The following OPCML variants were observed in gnomAD, a reference collection of about 807,000 sequenced individuals.
OPCML encodes the protein opioid-binding protein/cell adhesion molecule.
OPCML carries 13 observed loss-of-function variants against 37.8 expected under a neutral mutation model. The ratio of observed to expected loss-of-function variants is 0.34; its 90% confidence interval spans 0.22 to 0.55. OPCML has a LOEUF of 0.55. Among genes scored for constraint, OPCML ranks in the 20% least tolerant of loss-of-function variants. OPCML has a pLI of 0.91. For synonymous variants in OPCML, 176 were observed against 168.8 expected (o/e 1.04, Z -0.33); for missense variants, 341 against 435.6 (o/e 0.78, Z 1.93).
rs139375412 is a variant in OPCML at position 133,267,059 on chromosome 11, A to G, written c.61+265205T>C. Among the ~76,000 whole-genome samples the G allele has an allele frequency of 2.6e-5, 4 of 152,284 alleles. No individual in the cohort carries two copies. In the East Asian group the frequency reaches 7.7e-4, roughly 29 times the overall value. ...ATGATTCGGCACCTTGGGCAGATAA[A>G]TAGTTGTTTGTTTCCCTAGAGAGGC... On this transcript the variant is annotated intron_variant, in intron 1 of 7. Transcript: ENST00000524381.
At chr11:133,335,700 T>G (rs1479728359) in intron 1 of OPCML, among the ~76,000 whole-genome samples, 1 of 152,152 alleles carries the variant, frequency 6.6e-6, no homozygotes, top group Non-Finnish European at 1.5e-5. Flanking sequence ...CCAAATCTCC[T>G]TAAGACAGTG....
intron 1 of OPCML, among the ~76,000 whole-genome samples, chr11:133,172,711 G>C (rs1000346215): frequency 6.6e-6 from 1 of 152,146 alleles, no homozygotes; most frequent in Non-Finnish European, 1.5e-5. Flanking sequence ...TTAATATTCT[G>C]ATTTTGAAGT....
chr11:133,303,086 T>C (rs1299160729), intron 1 of OPCML, among the ~76,000 whole-genome samples: 2 of 152,320 alleles, frequency 1.3e-5, no homozygotes, highest in Middle Eastern at 3.4e-3. Flanking sequence ...ATCGTGGTTA[T>C]GAAATATTTG....
intron 1 of OPCML, among the ~76,000 whole-genome samples, chr11:133,287,816 G>A (rs1372727984): frequency 2.6e-5 from 4 of 152,170 alleles, no homozygotes; most frequent in Non-Finnish European, 4.4e-5. Context: ...AAGGAAAACT[G>A]GAGAAGGAGG....
chr11:132,836,007 C>G (rs1240379193), intron 2 of OPCML, among the ~76,000 whole-genome samples: 2 of 152,186 alleles, frequency 1.3e-5, no homozygotes, highest in Non-Finnish European at 2.9e-5. Context: ...AAGAAATTCG[C>G]TCTCTAAAAT....
At chr11:132,625,912 AG>A (rs1208451649) in intron 3 of OPCML, among the ~76,000 whole-genome samples, 3 of 152,136 alleles carry the variant, frequency 2.0e-5, no homozygotes, top group Admixed American at 6.6e-5. Flanking sequence ...TTGGAACTAT[AG>A]GCTGTCTTCT....
At chr11:132,531,964 G>A (rs570574887) in intron 3 of OPCML, among the ~76,000 whole-genome samples, 5 of 152,058 alleles carry the variant, frequency 3.3e-5, no homozygotes, top group Non-Finnish European at 5.9e-5. Context: ...CTGATAGTAA[G>A]TTACACACAG....
At chr11:132,930,966 C>T (rs1945179081) in intron 2 of OPCML, among the ~76,000 whole-genome samples, 1 of 152,128 alleles carries the variant, frequency 6.6e-6, no homozygotes, top group South Asian at 2.1e-4. Context: ...TAACAACAGA[C>T]ATACAGACCA....
chr11:133,191,504 G>GTGTGTGTGTGT (rs1565494837), intron 1 of OPCML, among the ~76,000 whole-genome samples: 1 of 142,360 alleles, frequency 7.0e-6, no homozygotes, highest in African/African-American at 2.6e-5. Flanking sequence ...TGTGTGTGTG[G>GTGTGTGTGTGT]GTGTGTGTGT....
intron 3 of OPCML, among the ~76,000 whole-genome samples, chr11:132,538,546 A>G (rs1204972103): frequency 6.6e-6 from 1 of 152,206 alleles, no homozygotes; most frequent in Admixed American, 6.5e-5. Context: ...ATAAAGGACT[A>G]ATTTTATAGT....
chr11:132,815,795 C>T (rs1307673250), intron 2 of OPCML, among the ~76,000 whole-genome samples: 2 of 152,110 alleles, frequency 1.3e-5, no homozygotes, highest in African/African-American at 2.4e-5. Context: ...TTATTAAAGC[C>T]AGTCAAGGTT....
At chr11:133,324,477 G>A (rs1252404983) in intron 1 of OPCML, among the ~76,000 whole-genome samples, 1 of 152,204 alleles carries the variant, frequency 6.6e-6, no homozygotes, top group African/African-American at 2.4e-5. Context: ...TTTGCTCTCT[G>A]AAGTTGTCTA....
At chr11:133,210,676 A>G (rs1396781895) in intron 1 of OPCML, among the ~76,000 whole-genome samples, 2 of 152,066 alleles carry the variant, frequency 1.3e-5, no homozygotes, top group Non-Finnish European at 2.9e-5. Flanking sequence ...TCCAACATAC[A>G]TGGCTATTTT....
chr11:133,311,816 C>T (rs186756436), intron 1 of OPCML, among the ~76,000 whole-genome samples: 10 of 152,230 alleles, frequency 6.6e-5, no homozygotes, highest in Admixed American at 2.0e-4. Flanking sequence ...GACATTCAGG[C>T]GTGGACACAA....
At chr11:133,440,782 CTGTGTG>C (rs58071870) in intron 1 of OPCML, among the ~76,000 whole-genome samples, 3,548 of 126,862 alleles carry the variant, frequency 0.028, 232 homozygotes, top group East Asian at 0.077. Flanking sequence ...ATATATATAT[CTGTGTG>C]TGTGTGTGTG....
intron 2 of OPCML, among the ~76,000 whole-genome samples, chr11:132,909,917 T>C (rs1334819873): frequency 6.6e-6 from 1 of 152,216 alleles, no homozygotes; most frequent in Non-Finnish European, 1.5e-5. Flanking sequence ...CCCTGGATTA[T>C]TGTGTCGTGT....
chr11:132,983,395 C>CT (rs1946627362), intron 1 of OPCML, among the ~76,000 whole-genome samples: 1 of 152,190 alleles, frequency 6.6e-6, no homozygotes, highest in East Asian at 1.9e-4. Flanking sequence ...ATAAATATTT[C>CT]ATTTTTTTTT....
intron 2 of OPCML, among the ~76,000 whole-genome samples, chr11:132,678,365 C>T (rs1942800450): frequency 6.6e-6 from 1 of 152,156 alleles, no homozygotes; most frequent in South Asian, 2.1e-4. Flanking sequence ...CGTACTCTTA[C>T]CTTATAATCC....
In OPCML at chr11:132,730,870, G is replaced by T. The variant is rs191100786; in HGVS notation, c.147-73551C>A. Reference sequence around the variant, plus strand: ...GTATTTGTAGAAGGAAAATCAGCTGGTGAATATCAGTCTGGCAAACTGAAC... The same window carrying T: ...GTATTTGTAGAAGGAAAATCAGCTGTTGAATATCAGTCTGGCAAACTGAAC... On this transcript the variant is annotated intron_variant, in intron 2 of 7. Coordinates refer to ENST00000524381, the MANE Select transcript of OPCML (RefSeq NM_001012393.5). Among the ~76,000 whole-genome samples the T allele has an allele frequency of 7.9e-5, 12 of 152,192 alleles. No individual in the cohort carries two copies. In the East Asian group the frequency reaches 2.3e-3, roughly 29 times the overall value.
Sources: allele counts gnomAD v4.1 joint callset (sites outside exome capture counted in the v4.1 genomes callset), GRCh38; gene constraint gnomAD v4.1.1; transcripts MANE v1.5; gene names NCBI Gene and HGNC (gene_info 2026-07-23, HGNC 2026-07-21).